The following SLC25A43 variants were observed in gnomAD, a reference collection of about 807,000 sequenced individuals.
The protein encoded by SLC25A43 is solute carrier family 25, member 43.
Under a neutral mutation model 22.8 loss-of-function variants are expected in SLC25A43, and 10 were observed. The ratio of observed to expected loss-of-function variants is 0.44; its 90% confidence interval spans 0.27 to 0.74. The LOEUF is 0.74. SLC25A43 is among the 30% of genes least tolerant of loss of function. The pLI is 0.17. For synonymous variants in SLC25A43, 106 were observed against 121.6 expected (o/e 0.87, Z 0.84); for missense variants, 233 against 279.1 (o/e 0.83, Z 1.18).
At chrX:119,449,082 G>A (rs1157834096) in intron 3 of SLC25A43, among the ~76,000 whole-genome samples, 1 of 110,418 alleles carries the variant, frequency 9.1e-6, no homozygotes, top group Non-Finnish European at 1.9e-5. Flanking sequence ...GTAGTCAGTG[G>A]TCTGAATTGG....
chrX:119,429,997 C>G (rs946707525), intron 3 of SLC25A43, among the ~76,000 whole-genome samples: 1 of 111,912 alleles, frequency 8.9e-6, no homozygotes, highest in Non-Finnish European at 1.9e-5. Flanking sequence ...AGCTAAATGA[C>G]TTGACCAGGG....
chrX:119,399,357 G>T lies in SLC25A43; in HGVS notation c.-47G>T. ...CGCCACCTCCGCCCGTGGCCGGAGA[G>T]CCCCAGGCCCGAGCCACGCGGTCTT... On this transcript the variant is annotated 5_prime_UTR_variant, in exon 1 of 5. Coordinates refer to ENST00000217909, the MANE Select transcript of SLC25A43 (RefSeq NM_145305.3). The T allele has an allele frequency of 1.1e-6, 1 of 912,783 alleles. No individual in the cohort carries two copies. Among genetic ancestry groups the T allele is most frequent in the Non-Finnish European group, 1.4e-6 (1 of 727,895 alleles). The allele number at this position is 912,783 out of a possible 1,213,427, so 75.2% of individuals were successfully genotyped here. A position where few individuals can be genotyped will look rare whatever the true frequency, so the allele number is the denominator to read the frequency against.
intron 3 of SLC25A43, among the ~76,000 whole-genome samples, chrX:119,424,266 T>C (rs1423748773): frequency 9.0e-6 from 1 of 111,166 alleles, no homozygotes; most frequent in African/African-American, 3.3e-5. Context: ...CTACCACTTA[T>C]TGGTCACTTA....
chrX:119,412,240 A>G (rs1371924290), intron 3 of SLC25A43, among the ~76,000 whole-genome samples: 1 of 112,112 alleles, frequency 8.9e-6, no homozygotes, highest in Non-Finnish European at 1.9e-5. Flanking sequence ...CCTTGTCCAA[A>G]CAGATAATTG....
chrX:119,443,158 C>T (rs1392640511), intron 3 of SLC25A43, among the ~76,000 whole-genome samples: 3 of 89,173 alleles, frequency 3.4e-5, no homozygotes, highest in Non-Finnish European at 6.3e-5. Flanking sequence ...CTCACTCTGT[C>T]ACCCAGGCTG....
intron 3 of SLC25A43, among the ~76,000 whole-genome samples, chrX:119,449,369 G>C (rs968353349): frequency 1.9e-5 from 2 of 104,383 alleles, no homozygotes; most frequent in Non-Finnish European, 3.9e-5. Context: ...AGCCGAGATC[G>C]TGTGACTGCA....
At chrX:119,403,016 G>A (rs773080362) in intron 1 of SLC25A43, among the ~76,000 whole-genome samples, 3 of 111,597 alleles carry the variant, frequency 2.7e-5, no homozygotes, top group African/African-American at 6.5e-5. Context: ...GTCATTCAGT[G>A]AATTAAGGGC....
chrX:119,432,502 AAG>A (rs1196002649), intron 3 of SLC25A43, among the ~76,000 whole-genome samples: 1 of 111,814 alleles, frequency 8.9e-6, no homozygotes, highest in Non-Finnish European at 1.9e-5. Flanking sequence ...AAGTTTTAAA[AAG>A]AGGGCCGGGC....
At chrX:119,428,970 G>A (rs1484676302) in intron 3 of SLC25A43, among the ~76,000 whole-genome samples, 2 of 111,721 alleles carry the variant, frequency 1.8e-5, no homozygotes, top group Admixed American at 9.5e-5. Context: ...AATGGTCCTC[G>A]GCAAAACCAG....
At chrX:119,404,030 G>A (rs6603504) in intron 1 of SLC25A43, among the ~76,000 whole-genome samples, 19,237 of 96,190 alleles carry the variant, frequency 0.2, 1,774 homozygotes, top group African/African-American at 0.32. Flanking sequence ...ACTGAGTCTC[G>A]CTCTGTGACC....
intron 3 of SLC25A43, among the ~76,000 whole-genome samples, chrX:119,424,741 A>G (rs983009292): frequency 1.6e-4 from 18 of 113,097 alleles, no homozygotes; most frequent in African/African-American, 5.5e-4. Context: ...ACCAAAATGT[A>G]TTTCTCACCG....
At chrX:119,443,373 G>A (rs2052637861) in intron 3 of SLC25A43, among the ~76,000 whole-genome samples, 1 of 110,069 alleles carries the variant, frequency 9.1e-6, no homozygotes, top group Admixed American at 9.7e-5. Flanking sequence ...ACTTCCCTTG[G>A]CTTCCCAAAG....
At chrX:119,405,528 G>A (rs2052284094) in intron 1 of SLC25A43, among the ~76,000 whole-genome samples, 1 of 104,110 alleles carries the variant, frequency 9.6e-6, no homozygotes, top group Non-Finnish European at 2.0e-5. Flanking sequence ...AGAGGCTGAG[G>A]CGGGCAGATC....
At chrX:119,400,693 G>A (rs1291446016) in intron 1 of SLC25A43, among the ~76,000 whole-genome samples, 2 of 112,429 alleles carry the variant, frequency 1.8e-5, no homozygotes, top group African/African-American at 3.2e-5. Context: ...TCACCTGGCA[G>A]CCGACAAGCC....
At chrX:119,434,527 TGG>T (rs2052581784) in intron 3 of SLC25A43, 1 of 107,666 alleles carries the variant, frequency 9.3e-6, no homozygotes, top group Non-Finnish European at 1.9e-5. Context: ...GGGTCAGGCA[TGG>T]TGGTGCATGC....
chrX:119,405,024 G>A (rs897322940), intron 1 of SLC25A43, among the ~76,000 whole-genome samples: 1 of 111,078 alleles, frequency 9.0e-6, no homozygotes, highest in African/African-American at 3.3e-5. Context: ...CCTTGGGCAG[G>A]TAAAAGGAGG....
At chrX:119,432,757 C>T (rs2052563287) in intron 3 of SLC25A43, among the ~76,000 whole-genome samples, 1 of 99,550 alleles carries the variant, frequency 1.0e-5, no homozygotes, top group Admixed American at 1.2e-4. Context: ...CACTGCACTC[C>T]AGCCTCAGTG....
intron 3 of SLC25A43, among the ~76,000 whole-genome samples, chrX:119,432,784 T>TTA (rs754976685): frequency 1.4e-5 from 1 of 71,450 alleles, no homozygotes; most frequent in Non-Finnish European, 2.6e-5. Context: ...CGAGATTCCA[T>TTA]AAAAAAAAAA....
chrX:119,452,748 T>C, intron 4 of SLC25A43, 117 bp from the exon 5 acceptor site: 1 of 555,411 alleles, frequency 1.8e-6, no homozygotes, highest in Admixed American at 3.7e-5. Flanking sequence ...ACCATTTGTA[T>C]TGCCACCGCC....
Sources: gnomAD v4.1 joint callset for allele counts (sites outside exome capture counted in the v4.1 genomes callset) on GRCh38, gnomAD v4.1.1 for gene constraint, MANE v1.5 for transcripts, NCBI Gene and HGNC (gene_info 2026-07-23, HGNC 2026-07-21) for gene names.